Variants in GPT2 observed in about 807,000 individuals in gnomAD.
GPT2 encodes the protein glutamic--pyruvic transaminase 2.
In GPT2, 30 loss-of-function variants were observed where a neutral mutation model predicts 56.9. That is an observed-to-expected ratio of 0.53 (90% CI 0.39 to 0.72). The LOEUF is 0.72. GPT2 is among the 30% of genes least tolerant of loss of function. The pLI is 0.00. For missense variants in GPT2, 542 were observed against 703.4 expected, an observed-to-expected ratio of 0.77 and a Z score of 2.60; for synonymous variants, 271 against 283.1, an observed-to-expected ratio of 0.96 and a Z score of 0.43.
intron 6 of GPT2, among the ~76,000 whole-genome samples, chr16:46,914,295 G>A (rs1961100991): frequency 6.6e-6 from 1 of 152,234 alleles, no homozygotes; most frequent in Non-Finnish European, 1.5e-5. Context: ...TCAGCACTTT[G>A]GGAGGCCGAG....
chr16:46,910,109 G>A (rs1393111324), intron 6 of GPT2, among the ~76,000 whole-genome samples, 182 bp downstream of exon 6: 1 of 152,084 alleles, frequency 6.6e-6, no homozygotes, highest in Non-Finnish European at 1.5e-5. Context: ...GGCCAGGTGC[G>A]GTGGCCCATG....
At chr16:46,898,154 C>T (rs1247357543) in intron 3 of GPT2, among the ~76,000 whole-genome samples, 3 of 152,180 alleles carry the variant, frequency 2.0e-5, no homozygotes, top group Non-Finnish European at 4.4e-5. Context: ...GGCTCTGCTG[C>T]GTACCAGTTG....
intron 2 of GPT2, among the ~76,000 whole-genome samples, chr16:46,892,523 T>C (rs368618233): frequency 1.6e-4 from 24 of 152,358 alleles, no homozygotes; most frequent in African/African-American, 5.8e-4. Context: ...TTTTCCATAA[T>C]GGCTATACCA....
chr16:46,893,888 G>A (rs531705818), intron 2 of GPT2, among the ~76,000 whole-genome samples: 42 of 152,324 alleles, frequency 2.8e-4, no homozygotes, highest in African/African-American at 9.4e-4. Flanking sequence ...GGCAGGGCAG[G>A]GGCGAGGTTC....
rs563936382 is a variant in GPT2 at position 46,915,630 on chromosome 16, C to G, written c.821-998C>G. On this transcript the variant is annotated intron_variant, in intron 6 of 11. Coordinates refer to ENST00000340124, the MANE Select transcript of GPT2 (RefSeq NM_133443.4). ...CACACACCAAATACAGACACACATA[C>G]CCCACCACACCTGCACACATTACAC... The G allele has an allele frequency of 2.7e-5, 4 of 147,582 alleles. No individual in the cohort carries two copies. In the East Asian group the frequency reaches 8.3e-4, roughly 31 times the overall value. 9.1% of individuals were successfully genotyped at this position (147,582 alleles called of 1,614,324 possible). A position where few individuals can be genotyped will look rare whatever the true frequency, so the allele number is the denominator to read the frequency against.
intron 6 of GPT2, among the ~76,000 whole-genome samples, chr16:46,912,232 GGAAC>G: frequency 6.6e-6 from 1 of 152,262 alleles, no homozygotes; most frequent in East Asian, 1.9e-4. Context: ...ATTGGAGGGT[GGAAC>G]TGTGGAGTGC....
Position 46,900,937 on chromosome 16 carries a change from G to T in GPT2, c.442+147G>T, listed in dbSNP as rs765237817. The T allele has an allele frequency of 4.8e-6, 3 of 619,852 alleles. No individual in the cohort carries two copies. In the East Asian group the frequency reaches 8.6e-5, roughly 18 times the overall value. 38.4% of individuals were successfully genotyped at this position (619,852 alleles called of 1,614,324 possible). A position where few individuals can be genotyped will look rare whatever the true frequency, so the allele number is the denominator to read the frequency against. On this transcript the variant is annotated intron_variant, in intron 4 of 11. Transcript: ENST00000340124. ...GCACACAGAGTAAACAAAAAATAGC[G>T]TCCTCTTCCCACTCACACCTTGCTG...
At chr16:46,918,240 C>A (rs1430481968) in intron 7 of GPT2, among the ~76,000 whole-genome samples, 1 of 152,140 alleles carries the variant, frequency 6.6e-6, no homozygotes, top group Non-Finnish European at 1.5e-5. Flanking sequence ...GAGGAAAGGG[C>A]CACTAATGCC....
At chr16:46,886,950 T>C (rs1283539088) in intron 2 of GPT2, among the ~76,000 whole-genome samples, 4 of 152,190 alleles carry the variant, frequency 2.6e-5, no homozygotes, top group African/African-American at 9.7e-5. Context: ...CTCTTCTCAC[T>C]GTGAGTCTCA....
At chr16:46,922,554 C>A in intron 9 of GPT2, 138 bp downstream of exon 9, 5 of 759,156 alleles carry the variant, frequency 6.6e-6, no homozygotes, top group Non-Finnish European at 1.0e-5. Context: ...CATGGCTCTT[C>A]AGAGCCTGAA....
rs1475759456 is a variant in GPT2, at chr16:46,929,147, T to C, written c.*150T>C. 1.6e-6 allele frequency: 1 copy of C among 634,350 alleles called. No homozygotes were observed. The highest frequency in any genetic ancestry group is 2.8e-6 in the Non-Finnish European group (1 of 352,560). 39.3% of individuals were successfully genotyped at this position (634,350 alleles called of 1,614,324 possible). A position where few individuals can be genotyped will look rare whatever the true frequency, so the allele number is the denominator to read the frequency against. Reference sequence around the variant, plus strand: ...TTTTGCCCCTGGAGACGTCTTTCTTTGTGCCTTGATGTTGAGAGCGCCTCT... The same window carrying C: ...TTTTGCCCCTGGAGACGTCTTTCTTCGTGCCTTGATGTTGAGAGCGCCTCT... On this transcript the variant is annotated 3_prime_UTR_variant, in exon 12 of 12. Transcript: ENST00000340124.
chr16:46,919,526 A>G (rs1961240672), intron 8 of GPT2, among the ~76,000 whole-genome samples: 1 of 152,196 alleles, frequency 6.6e-6, no homozygotes, highest in African/African-American at 2.4e-5. Context: ...TGGTAGCAGC[A>G]CACCTGCTGT....
chr16:46,927,847 G>A (rs1401741113), intron 11 of GPT2, among the ~76,000 whole-genome samples: 1 of 152,062 alleles, frequency 6.6e-6, no homozygotes, highest in Non-Finnish European at 1.5e-5. Context: ...AGGCCAGGGA[G>A]CATTTTGGTG....
chr16:46,894,225 A>G (rs1405342698), intron 2 of GPT2, among the ~76,000 whole-genome samples: 1 of 152,202 alleles, frequency 6.6e-6, no homozygotes, highest in African/African-American at 2.4e-5. Context: ...GGCACGGGAA[A>G]GGAACATTCA....
chr16:46,906,283 G>A (rs760468908), intron 4 of GPT2, among the ~76,000 whole-genome samples: 3 of 152,082 alleles, frequency 2.0e-5, no homozygotes, highest in Non-Finnish European at 4.4e-5. Flanking sequence ...CATTGACCAG[G>A]CTTGTCTCAA....
intron 6 of GPT2, among the ~76,000 whole-genome samples, chr16:46,913,783 CAGT>C (rs1961090936): frequency 6.6e-6 from 1 of 152,054 alleles, no homozygotes. Flanking sequence ...CACACACACA[CAGT>C]AATAGGCTGG....
At chr16:46,913,720 G>C (rs1961088353) in intron 6 of GPT2, among the ~76,000 whole-genome samples, 1 of 152,056 alleles carries the variant, frequency 6.6e-6, no homozygotes, top group South Asian at 2.1e-4. Context: ...AAAAAGGTAA[G>C]ATACTCTATA....
intron 2 of GPT2, chr16:46,885,361 G>A: frequency 2.7e-6 from 2 of 736,694 alleles, no homozygotes; most frequent in Non-Finnish European, 3.3e-6. Flanking sequence ...GGATGGGGGC[G>A]GTGGGAGGGA....
rs781506540 is a variant in GPT2 at position 46,909,842 on chromosome 16, G to A, written c.735G>A (p.Val245=). The change falls in exon 6 of 12, where the codon GTG becomes GTA. Residue 245 remains valine, a synonymous_variant. Transcript: ENST00000340124. The stretch of plus-strand genomic sequence containing the variant: ...AGGAGAACTGCTGGGCGCTGAATGT[G>A]AATGAGCTCCGGCGGGCGGTGCAGG... ...LDEENCWALN[V]NELRRAVQEA... 2 of 1,614,204 alleles carry A rather than the reference G, an allele frequency of 1.2e-6. No individual in the cohort carries two copies. The highest frequency in any genetic ancestry group is 1.7e-5 in the Admixed American group (1 of 60,030).
Sources: gnomAD v4.1 joint callset for allele counts (sites outside exome capture counted in the v4.1 genomes callset) on GRCh38, gnomAD v4.1.1 for gene constraint, MANE v1.5 for transcripts, NCBI Gene and HGNC (gene_info 2026-07-23, HGNC 2026-07-21) for gene names.